The following COL24A1 variants were observed in gnomAD, a reference collection of about 807,000 sequenced individuals.
COL24A1 encodes collagen type XXIV alpha 1 chain.
Under a neutral mutation model 253.9 loss-of-function variants are expected in COL24A1, and 224 were observed. The observed-to-expected ratio is 0.88, with a 90% CI of 0.79 to 0.99. The LOEUF is 0.99. Among genes scored for constraint, COL24A1 ranks in the 50% least tolerant of loss-of-function variants. The pLI is 0.00. For missense variants in COL24A1, 2,131 were observed against 2,068.5 expected, an observed-to-expected ratio of 1.03 and a Z score of -0.59; for synonymous variants, 685 against 673.7, an observed-to-expected ratio of 1.02 and a Z score of -0.26.
Position 85,849,369 on chromosome 1 carries a change from C to T in COL24A1, c.3338G>A (p.Gly1113Asp). ...AAAAATTACCTTTTTTCCTGGACGA[C>T]CTCTTTGCCCTGGAATTCCCACAAT... ...EGIVGIPGQR[G>D]RPGKKGDKGQ... The change falls in exon 38 of 60, where the codon GGT (glycine) becomes GAT (aspartate). Residue 1113 changes from glycine (G) to aspartate (D), a missense_variant. By Grantham distance (94) the Gly-to-Asp change is moderately conservative. Transcript: ENST00000370571. 1.2e-6 allele frequency: 2 copies of T among 1,612,688 alleles called. No individual in the cohort carries two copies. The highest frequency in any genetic ancestry group is 4.5e-5 in the East Asian group (2 of 44,786).
At chr1:85,875,135 G>A in intron 34 of COL24A1, 142 bp downstream of exon 34, 1 of 699,106 alleles carries the variant, frequency 1.4e-6, no homozygotes, top group South Asian at 1.8e-5. Context: ...ATAAGGAATA[G>A]GAGTTCCAAA....
intron 51 of COL24A1, among the ~76,000 whole-genome samples, chr1:85,782,721 C>T (rs912469524): frequency 1.3e-5 from 2 of 152,198 alleles, no homozygotes; most frequent in African/African-American, 2.4e-5. Flanking sequence ...ATCTGCACTG[C>T]TTCCCTTTTT....
chr1:85,976,626 C>T (rs1292571702), intron 20 of COL24A1, among the ~76,000 whole-genome samples: 1 of 152,162 alleles, frequency 6.6e-6, no homozygotes, highest in Non-Finnish European at 1.5e-5. Context: ...AACCCAAATA[C>T]TTATTCTGGC....
intron 7 of COL24A1, among the ~76,000 whole-genome samples, chr1:86,070,876 A>C (rs1227957379): frequency 6.6e-6 from 1 of 152,202 alleles, no homozygotes; most frequent in African/African-American, 2.4e-5. Flanking sequence ...GTTACTGAGC[A>C]AGAAGAAACC....
chr1:85,829,016 T>C (rs1248369295), intron 43 of COL24A1, among the ~76,000 whole-genome samples: 2 of 152,208 alleles, frequency 1.3e-5, no homozygotes, highest in East Asian at 3.9e-4. Context: ...TTCTTCCTAG[T>C]CTTGATGGTC....
At chr1:85,945,103 T>C (rs1689208361) in intron 24 of COL24A1, among the ~76,000 whole-genome samples, 2 of 134,576 alleles carry the variant, frequency 1.5e-5, no homozygotes, top group South Asian at 5.5e-4. Flanking sequence ...CTGCAACCTC[T>C]GCCTCCCAGG....
At chr1:85,912,683 C>A (rs1337366318) in intron 24 of COL24A1, among the ~76,000 whole-genome samples, 2 of 152,136 alleles carry the variant, frequency 1.3e-5, no homozygotes, top group African/African-American at 4.8e-5. Context: ...GTATTATCAT[C>A]ATTCCCCTTT....
At chr1:85,796,520 T>A (rs313735) in intron 47 of COL24A1, among the ~76,000 whole-genome samples, 110,493 of 152,060 alleles carry the variant, frequency 0.73, 43,463 homozygotes, top group Non-Finnish European at 0.89. Context: ...TTCAAAAAAT[T>A]ACAAATAATC....
chr1:86,131,297 T>A (rs1649137247), intron 2 of COL24A1, among the ~76,000 whole-genome samples: 2 of 152,038 alleles, frequency 1.3e-5, no homozygotes, highest in African/African-American at 2.4e-5. Flanking sequence ...AAATTTTTTT[T>A]ATTTACTTCA....
intron 43 of COL24A1, among the ~76,000 whole-genome samples, chr1:85,835,472 A>C (rs1450567054): frequency 6.6e-6 from 1 of 152,150 alleles, no homozygotes; most frequent in Non-Finnish European, 1.5e-5. Flanking sequence ...ATAACACATA[A>C]AGTATGTCAG....
At chr1:85,773,170 A>G (rs539417554) in intron 53 of COL24A1, among the ~76,000 whole-genome samples, 3 of 152,312 alleles carry the variant, frequency 2.0e-5, no homozygotes, top group African/African-American at 7.2e-5. Context: ...GTCAAACATC[A>G]GATGGTGGTA....
intron 7 of COL24A1, among the ~76,000 whole-genome samples, chr1:86,072,658 G>A (rs2101850014): frequency 6.6e-6 from 1 of 152,298 alleles, no homozygotes; most frequent in Middle Eastern, 3.4e-3. Context: ...GCCTCCTCAA[G>A]TGGGTCCCTG....
At chr1:85,941,749 A>T (rs1413674113) in intron 24 of COL24A1, among the ~76,000 whole-genome samples, 1 of 152,138 alleles carries the variant, frequency 6.6e-6, no homozygotes, top group East Asian at 1.9e-4. Context: ...CTTTGTGACC[A>T]CTCAGAGCTT....
At chr1:85,764,442 T>G (rs1667147813) in intron 53 of COL24A1, among the ~76,000 whole-genome samples, 1 of 147,154 alleles carries the variant, frequency 6.8e-6, no homozygotes, top group African/African-American at 2.5e-5. Flanking sequence ...CTACTCTTGA[T>G]CTAGGTGGAG....
chr1:86,046,014 T>A, intron 12 of COL24A1: 2 of 239,488 alleles, frequency 8.4e-6, no homozygotes, highest in Non-Finnish European at 1.7e-5. Flanking sequence ...TCTTTTAACA[T>A]CTCTAAGCTT....
chr1:86,126,375 G>A (rs1289797904), intron 2 of COL24A1, among the ~76,000 whole-genome samples, 161 bp from the exon 3 acceptor site: 2 of 152,020 alleles, frequency 1.3e-5, no homozygotes, highest in Non-Finnish European at 2.9e-5. Flanking sequence ...GAAATAGGGA[G>A]GGGGAGAGTA....
chr1:85,976,812 A>T (rs1692732509), intron 20 of COL24A1, among the ~76,000 whole-genome samples: 1 of 152,120 alleles, frequency 6.6e-6, no homozygotes. Context: ...TGACAAAATA[A>T]CCCTACTCCA....
At chr1:86,070,850 A>AG in intron 7 of COL24A1, among the ~76,000 whole-genome samples, 1 of 152,264 alleles carries the variant, frequency 6.6e-6, no homozygotes, top group East Asian at 1.9e-4. Context: ...TCATTCAATC[A>AG]GAAAAAAAAA....
In COL24A1 at chr1:86,125,441, C is replaced by T; in HGVS notation, c.895G>A (p.Glu299Lys). The T allele has an allele frequency of 6.2e-7, 1 of 1,613,530 alleles. No individual in the cohort carries two copies. The highest frequency in any genetic ancestry group is 8.5e-7 in the Non-Finnish European group (1 of 1,179,754). ...SIPNIIKNDS[E>K]TVYKRQEHQI... Reference sequence around the variant, plus strand: ...TGTTCTTGTCTTTTATACACGGTTTCAGAATCATTTTTTATGATATTTGGA... The same window carrying T: ...TGTTCTTGTCTTTTATACACGGTTTTAGAATCATTTTTTATGATATTTGGA... Residue 299 changes from glutamate (E) to lysine (K), a missense_variant, in exon 3 of 60, where the codon GAA (glutamate) becomes AAA (lysine). Glu to Lys is a moderately conservative substitution (Grantham distance 56). Coordinates refer to ENST00000370571, the MANE Select transcript of COL24A1 (RefSeq NM_152890.7).
Sources: gnomAD v4.1 joint callset for allele counts (sites outside exome capture counted in the v4.1 genomes callset) on GRCh38, gnomAD v4.1.1 for gene constraint, MANE v1.5 for transcripts, NCBI Gene and HGNC (gene_info 2026-07-23, HGNC 2026-07-21) for gene names.